Variants in OR5K1 observed in about 807,000 individuals in gnomAD.
The protein encoded by OR5K1 is olfactory receptor family 5 subfamily K member 1.
OR5K1 carries 7 observed loss-of-function variants against 10.4 expected under a neutral mutation model. The observed-to-expected ratio is 0.67, with a 90% CI of 0.38 to 1.26. The LOEUF (loss-of-function observed/expected upper bound fraction) is 1.26, where lower values mean the gene tolerates loss of function less well. Ranked by LOEUF, OR5K1 falls within the 50% of genes most tolerant of loss-of-function variation. The pLI is 0.02. For missense variants in OR5K1, 435 were observed against 366.2 expected, an observed-to-expected ratio of 1.19 and a Z score of -1.53; for synonymous variants, 135 against 128.5, an observed-to-expected ratio of 1.05 and a Z score of -0.34.
chr3:98,469,162 C>A (rs1705410671), intron 1 of OR5K1, among the ~76,000 whole-genome samples: 1 of 151,982 alleles, frequency 6.6e-6, no homozygotes, highest in Non-Finnish European at 1.5e-5. Context: ...GGCCATTATC[C>A]TAAGCAAACT....
chr3:98,467,808 G>A (rs987169927), intron 1 of OR5K1, among the ~76,000 whole-genome samples: 34 of 134,272 alleles, frequency 2.5e-4, no homozygotes, highest in African/African-American at 3.7e-4. Context: ...GGGCTGAGAC[G>A]ATGGGGTTTT....
At position 98,470,043 on chromosome 3, in the gene OR5K1, C is replaced by A; in HGVS notation, c.467C>A (p.Ser156Tyr). 1 of 1,613,636 alleles carries A rather than the reference C, an allele frequency of 6.2e-7. No homozygotes were observed. The highest frequency in any genetic ancestry group is 1.1e-5 in the South Asian group (1 of 91,080). ...TGAFIAGNLH[S>Y]MIHVGLVFRL... ...GCCTTCATAGCTGGAAACCTGCATT[C>A]CATGATTCATGTAGGGCTTGTATTT... is the stretch of plus-strand genomic sequence containing the variant. Residue 156 changes from serine to tyrosine, a missense_variant, in exon 2 of 2, where the codon TCC becomes TAC. Physicochemically the swap from Ser to Tyr is moderately radical, Grantham distance 144. Coordinates refer to ENST00000642057, the MANE Select transcript of OR5K1 (RefSeq NM_001004736.4).
At chr3:98,465,735 T>C (rs1286535491) in intron 1 of OR5K1, among the ~76,000 whole-genome samples, 1 of 152,058 alleles carries the variant, frequency 6.6e-6, no homozygotes, top group Non-Finnish European at 1.5e-5. Context: ...CATATTTTTC[T>C]GTTCTGCCAT....
At chr3:98,465,976 C>T (rs1200986682) in intron 1 of OR5K1, among the ~76,000 whole-genome samples, 3 of 151,454 alleles carry the variant, frequency 2.0e-5, no homozygotes, top group Non-Finnish European at 2.9e-5. Flanking sequence ...TATACATGTG[C>T]CATGCTGGTG....
chr3:98,470,536 T>C lies in OR5K1; in HGVS notation c.*33T>C. ...AAAGATGGAAACAAGTGACATCTAC[T>C]ATAGCTTAATGATTTAAATGCAGCA... On this transcript the variant is annotated 3_prime_UTR_variant, in exon 2 of 2. Coordinates refer to ENST00000642057, the MANE Select transcript of OR5K1 (RefSeq NM_001004736.4). 1.6e-6 allele frequency: 2 copies of C among 1,266,736 alleles called. No individual in the cohort carries two copies. Among genetic ancestry groups the C allele is most frequent in the South Asian group, 1.4e-5 (1 of 71,882 alleles). The allele number at this position is 1,266,736 out of a possible 1,614,324, so 78.5% of individuals were successfully genotyped here. A position where few individuals can be genotyped will look rare whatever the true frequency, so the allele number is the denominator to read the frequency against.
At chr3:98,469,304 G>T (rs911003105) in intron 1 of OR5K1, among the ~76,000 whole-genome samples, 2 of 152,058 alleles carry the variant, frequency 1.3e-5, no homozygotes, top group Admixed American at 6.6e-5. Context: ...TGGAAGGACA[G>T]AGAGACTGAA....
Position 98,470,478 on chromosome 3 carries a change from T to C in OR5K1, c.902T>C (p.Leu301Ser), listed in dbSNP as rs1467169393. 6.4e-7 allele frequency: 1 copy of C among 1,558,722 alleles called. No homozygotes were observed. The highest frequency in any genetic ancestry group is 8.8e-7 in the Non-Finnish European group (1 of 1,136,870). ...AGAAATAGGGAAGTAATAAGTGTCT[T>C]AAGAAAAATTCTGATGAAGAAATAA... ...SLRNREVISV[L>S]RKILMKK Residue 301 changes from leucine to serine, a missense_variant, in exon 2 of 2, where the codon TTA (leucine) becomes TCA (serine). Coordinates refer to ENST00000642057, the MANE Select transcript of OR5K1 (RefSeq NM_001004736.4).
Position 98,470,680 on chromosome 3 carries a change from A to G in OR5K1, c.*177A>G, listed in dbSNP as rs1263942796. 5 of 413,340 alleles carry G rather than the reference A, an allele frequency of 1.2e-5. No homozygotes were observed. The highest frequency in any genetic ancestry group is 4.1e-5 in the African/African-American group (2 of 48,450). The allele number at this position is 413,340 out of a possible 1,614,324, so 25.6% of individuals were successfully genotyped here. On this transcript the variant is annotated 3_prime_UTR_variant, in exon 2 of 2. Transcript: ENST00000642057. ...AAGGGTAGAATATACAAAAAAGAGTAAACTGTGGTAAATCTTAATTCAAAA... is the reference window on the plus strand; with the variant it reads ...AAGGGTAGAATATACAAAAAAGAGTGAACTGTGGTAAATCTTAATTCAAAA...
Position 98,472,235 on chromosome 3 carries a change from TGG to T in OR5K1, c.*1733_*1734del, listed in dbSNP as rs1705457725. On this transcript the variant is annotated 3_prime_UTR_variant, in exon 2 of 2. Transcript: ENST00000642057. ...CCAACCCACAAGGCTTTGGGTTGGC[TGG>T]CTCTCTCTCTCTTACTCTTCATCTG... The T allele has an allele frequency of 1.2e-4, 13 of 104,388 alleles. No homozygotes were observed. Among genetic ancestry groups the T allele is most frequent in the Admixed American group, 4.6e-4 (5 of 10,932 alleles). The allele number at this position is 104,388 out of a possible 1,614,324, so 6.5% of individuals were successfully genotyped here. A position where few individuals can be genotyped will look rare whatever the true frequency, so the allele number is the denominator to read the frequency against.
chr3:98,470,020 C>A lies in OR5K1; in HGVS notation c.444C>A (p.Ala148=). 6.2e-7 allele frequency: 1 copy of A among 1,613,542 alleles called. No individual in the cohort carries two copies. The highest frequency in any genetic ancestry group is 2.2e-5 in the East Asian group (1 of 44,870). The part of the protein sequence containing the change: ...KKLCIQMTTG[A]FIAGNLHSMI... Reference sequence around the variant, plus strand: ...TCTGCATTCAGATGACCACAGGGGCCTTCATAGCTGGAAACCTGCATTCCA... The same window carrying A: ...TCTGCATTCAGATGACCACAGGGGCATTCATAGCTGGAAACCTGCATTCCA... Residue 148 remains alanine (A), a synonymous_variant, in exon 2 of 2, where the codon GCC becomes GCA. Transcript: ENST00000642057.
chr3:98,470,096 A>G lies in OR5K1; in HGVS notation c.520A>G (p.Ile174Val). 1 of 1,613,654 alleles carries G rather than the reference A, an allele frequency of 6.2e-7. No individual in the cohort carries two copies. Among genetic ancestry groups the G allele is most frequent in the Non-Finnish European group, 8.5e-7 (1 of 1,179,702 alleles). ...GTTAGTTTTCTGTGGATCGAATCAC[A>G]TCAACCACTTTTACTGTGATATTCT... ...FRLVFCGSNH[I>V]NHFYCDILPL... is the part of the protein sequence containing the mutation. Residue 174 changes from isoleucine (I) to valine (V), a missense_variant, in exon 2 of 2, where the codon ATC (isoleucine) becomes GTC (valine). Physicochemically the swap from Ile to Val is conservative, Grantham distance 29. Coordinates refer to ENST00000642057, the MANE Select transcript of OR5K1 (RefSeq NM_001004736.4).
At chr3:98,469,094 A>C (rs1174140234) in intron 1 of OR5K1, among the ~76,000 whole-genome samples, 2 of 152,138 alleles carry the variant, frequency 1.3e-5, no homozygotes, top group African/African-American at 4.8e-5. Context: ...ATGGAATACT[A>C]TGCAGCCATA....
chr3:98,467,222 T>G (rs1329505974), intron 1 of OR5K1, among the ~76,000 whole-genome samples: 1 of 87,620 alleles, frequency 1.1e-5, no homozygotes, highest in Non-Finnish European at 2.2e-5. Flanking sequence ...ATATGCAGCA[T>G]TATTTCTGAG....
intron 1 of OR5K1, among the ~76,000 whole-genome samples, chr3:98,465,882 A>C (rs1705367368): frequency 1.1e-5 from 1 of 93,674 alleles, no homozygotes; most frequent in South Asian, 3.5e-4. Context: ...TATATAAATA[A>C]ATTTGTCTTT....
At position 98,468,689 on chromosome 3, in the gene OR5K1, T is replaced by C. The variant is rs182343968; in HGVS notation, c.-11-877T>C. ...TAGGGTTGAATAATGTTCCATTATA[T>C]GTATATACCACCATTTATTTATTCA... On this transcript the variant is annotated intron_variant, in intron 1 of 1. Transcript: ENST00000642057. 4.5e-4 allele frequency among the ~76,000 whole-genome samples: 68 copies of C among 152,278 alleles called. No homozygotes were observed. The East Asian group carries it at 0.012, about 27-fold the overall frequency.
chr3:98,472,021 C>T lies in OR5K1; in HGVS notation c.*1518C>T, dbSNP rs1705453214. The T allele has an allele frequency of 6.6e-6, 1 of 151,922 alleles. No homozygotes were observed. Among genetic ancestry groups the T allele is most frequent in the Non-Finnish European group, 1.5e-5 (1 of 67,946 alleles). The allele number at this position is 151,922 out of a possible 1,614,324, so 9.4% of individuals were successfully genotyped here. The stretch of plus-strand genomic sequence containing the variant: ...ATCCTTCCTTCATCACATATAGGTC[C>T]TTGCCTGGTATCATGGCACTGAGCA... On this transcript the variant is annotated 3_prime_UTR_variant, in exon 2 of 2. Transcript: ENST00000642057.
At position 98,470,360 on chromosome 3, in the gene OR5K1, C is replaced by A; in HGVS notation, c.784C>A (p.Pro262Thr). 6.2e-7 allele frequency: 1 copy of A among 1,613,008 alleles called. No individual in the cohort carries two copies. Among genetic ancestry groups the A allele is most frequent in the Non-Finnish European group, 8.5e-7 (1 of 1,179,486 alleles). ...YGSLFFMYVR[P>T]NLLEEGDKDI... ...ATCTCTTTTCTTCATGTACGTTAGA[C>A]CAAATTTGCTTGAAGAAGGGGATAA... The change falls in exon 2 of 2, where the codon CCA becomes ACA. Residue 262 changes from proline (P) to threonine (T), a missense_variant. Transcript: ENST00000642057.
rs529550252 is a variant in OR5K1 at position 98,464,797 on chromosome 3, T to C, written c.-12+1490T>C. ...TGCATTACCACATGATGTGGACATATGCCTGAATAGTTTGAGATGCAGGAT... is the reference window on the plus strand; with the variant it reads ...TGCATTACCACATGATGTGGACATACGCCTGAATAGTTTGAGATGCAGGAT... On this transcript the variant is annotated intron_variant, in intron 1 of 1. Coordinates refer to ENST00000642057, the MANE Select transcript of OR5K1 (RefSeq NM_001004736.4). Among the ~76,000 whole-genome samples the C allele has an allele frequency of 1.2e-4, 19 of 152,312 alleles. No homozygotes were observed. In the East Asian group the frequency reaches 3.1e-3, roughly 25 times the overall value.
intron 1 of OR5K1, among the ~76,000 whole-genome samples, chr3:98,467,126 A>G (rs1705384659): frequency 9.6e-6 from 1 of 104,354 alleles, no homozygotes; most frequent in Non-Finnish European, 1.9e-5. Context: ...ATGGCTATCC[A>G]GTTTTCCCAG....
Sources: gnomAD v4.1 joint callset for allele counts (sites outside exome capture counted in the v4.1 genomes callset) on GRCh38, gnomAD v4.1.1 for gene constraint, MANE v1.5 for transcripts, NCBI Gene and HGNC (gene_info 2026-07-23, HGNC 2026-07-21) for gene names.